Variants in MSH3 observed in about 807,000 individuals in gnomAD.
MSH3 encodes DNA mismatch repair protein Msh3.
Under a neutral mutation model 123.3 loss-of-function variants are expected in MSH3, and 106 were observed. The ratio of observed to expected loss-of-function variants is 0.86; its 90% CI spans 0.73 to 1.01. MSH3 has a LOEUF of 1.01. Ranked by LOEUF, MSH3 falls within the 50% of genes least tolerant of loss-of-function variation. MSH3 has a pLI of 0.00. For synonymous variants in MSH3, 515 were observed against 481.4 expected (o/e 1.07, Z -0.91); for missense variants, 1,459 against 1,347.6 (o/e 1.08, Z -1.29).
intron 20 of MSH3, among the ~76,000 whole-genome samples, chr5:80,819,517 C>T (rs138228028): frequency 2.7e-5 from 4 of 147,882 alleles, no homozygotes; most frequent in African/African-American, 7.5e-5. Context: ...TCGCTCCTGT[C>T]GCCCAAGCTG....
intron 8 of MSH3, among the ~76,000 whole-genome samples, chr5:80,718,697 T>C (rs1324693652): frequency 1.3e-5 from 2 of 152,130 alleles, no homozygotes; most frequent in African/African-American, 4.8e-5. Flanking sequence ...GATTCTATTT[T>C]TTCATTGGGA....
intron 21 of MSH3, among the ~76,000 whole-genome samples, chr5:80,854,592 T>C (rs531320850): frequency 1.2e-3 from 185 of 152,326 alleles, no homozygotes; most frequent in Non-Finnish European, 1.9e-3. Flanking sequence ...TGCATACCCT[T>C]TTGTACATGG....
intron 19 of MSH3, among the ~76,000 whole-genome samples, chr5:80,813,305 T>C (rs573626517): frequency 8.5e-5 from 13 of 152,304 alleles, no homozygotes; most frequent in African/African-American, 2.6e-4. Flanking sequence ...AATATGCACA[T>C]AGGCAGATTA....
chr5:80,874,356 T>G (rs1746271604), intron 23 of MSH3, among the ~76,000 whole-genome samples: 1 of 152,182 alleles, frequency 6.6e-6, no homozygotes, highest in African/African-American at 2.4e-5. Context: ...AGTGCTGGAC[T>G]CTACAAATGG....
chr5:80,806,664 C>T (rs1234461917), intron 19 of MSH3, among the ~76,000 whole-genome samples: 1 of 151,814 alleles, frequency 6.6e-6, no homozygotes, highest in Admixed American at 6.6e-5. Context: ...GAAAGTTCTC[C>T]CCTCCTATTC....
intron 12 of MSH3, among the ~76,000 whole-genome samples, chr5:80,751,617 A>G (rs991324652): frequency 6.6e-6 from 1 of 152,094 alleles, no homozygotes; most frequent in East Asian, 1.9e-4. Flanking sequence ...TCATGGTTAC[A>G]TGGTATGCTT....
chr5:80,719,131 C>G (rs983439841), intron 8 of MSH3, among the ~76,000 whole-genome samples: 15 of 151,798 alleles, frequency 9.9e-5, no homozygotes, highest in African/African-American at 3.6e-4. Context: ...CAGTGCAACC[C>G]CCGCCTCCCA....
chr5:80,700,203 A>G (rs1750576131), intron 8 of MSH3, among the ~76,000 whole-genome samples: 1 of 152,110 alleles, frequency 6.6e-6, no homozygotes, highest in Admixed American at 6.5e-5. Flanking sequence ...AACATGGTGA[A>G]ACCTCATCTC....
chr5:80,740,417 G>A (rs1315585771), intron 10 of MSH3, among the ~76,000 whole-genome samples: 2 of 151,610 alleles, frequency 1.3e-5, no homozygotes, highest in African/African-American at 2.4e-5. Flanking sequence ...GAGTGCAGTG[G>A]CACAATCTTG....
At chr5:80,723,696 T>G (rs1751135541) in intron 8 of MSH3, among the ~76,000 whole-genome samples, 1 of 152,194 alleles carries the variant, frequency 6.6e-6, no homozygotes, top group African/African-American at 2.4e-5. Flanking sequence ...ATGATACAGT[T>G]TTTTATAAAA....
intron 21 of MSH3, among the ~76,000 whole-genome samples, chr5:80,861,731 C>T (rs191867314): frequency 6.6e-6 from 1 of 152,240 alleles, no homozygotes; most frequent in Admixed American, 6.5e-5. Context: ...CACTGAGCCT[C>T]CAGCAATTGA....
intron 22 of MSH3, among the ~76,000 whole-genome samples, chr5:80,869,817 T>TATATATAC (rs200167024): frequency 1.4e-5 from 1 of 73,886 alleles, no homozygotes; most frequent in African/African-American, 5.6e-5. Context: ...TATATACATA[T>TATATATAC]ATATATACAT....
intron 23 of MSH3, among the ~76,000 whole-genome samples, 162 bp from the exon 24 acceptor site, chr5:80,875,589 C>T (rs1172071591): frequency 1.3e-5 from 2 of 152,148 alleles, no homozygotes; most frequent in African/African-American, 4.8e-5. Flanking sequence ...ATAGTAGCAG[C>T]TCTGAAAGCT....
chr5:80,726,723 T>A (rs536618304), intron 9 of MSH3, among the ~76,000 whole-genome samples: 3 of 152,248 alleles, frequency 2.0e-5, no homozygotes, highest in Admixed American at 2.0e-4. Context: ...CCCACCTCAG[T>A]CTGCCAAAGT....
At chr5:80,790,977 T>C (rs1297705472) in intron 18 of MSH3, among the ~76,000 whole-genome samples, 1 of 152,192 alleles carries the variant, frequency 6.6e-6, no homozygotes, top group East Asian at 1.9e-4. Context: ...ATGTGAATAA[T>C]ATATTTGTAA....
At chr5:80,715,622 T>A (rs1750943857) in intron 8 of MSH3, among the ~76,000 whole-genome samples, 1 of 152,032 alleles carries the variant, frequency 6.6e-6, no homozygotes, top group African/African-American at 2.4e-5. Flanking sequence ...AGAGGTTTAA[T>A]TGGTTCAGGG....
intron 20 of MSH3, among the ~76,000 whole-genome samples, chr5:80,820,880 A>G (rs549191372): frequency 4.6e-5 from 7 of 152,200 alleles, no homozygotes; most frequent in Non-Finnish European, 2.9e-5. Flanking sequence ...GATGCTGAGT[A>G]AGAGGAGATT....
At chr5:80,833,317 C>G (rs568472203) in intron 20 of MSH3, among the ~76,000 whole-genome samples, 38 of 152,282 alleles carry the variant, frequency 2.5e-4, no homozygotes, top group Middle Eastern at 3.4e-3. Context: ...TAAATACAGA[C>G]AGCTTGATAA....
chr5:80,762,551 T>G (rs1744052320), intron 13 of MSH3, among the ~76,000 whole-genome samples: 1 of 151,644 alleles, frequency 6.6e-6, no homozygotes, highest in Non-Finnish European at 1.5e-5. Context: ...GACCCAGGAT[T>G]CTTGACTGTG....
Sources: allele counts gnomAD v4.1 joint callset (sites outside exome capture counted in the v4.1 genomes callset), GRCh38; gene constraint gnomAD v4.1.1; transcripts MANE v1.5; gene names NCBI Gene and HGNC (gene_info 2026-07-23, HGNC 2026-07-21).